Variants in IGSF21 observed in about 807,000 individuals in gnomAD.
The protein encoded by IGSF21 is immunoglobin superfamily member 21.
In IGSF21, 28 loss-of-function variants were observed where a neutral mutation model predicts 46.8. The observed-to-expected ratio is 0.60, with a 90% confidence interval of 0.44 to 0.82. The LOEUF (loss-of-function observed/expected upper bound fraction) is 0.82. Among genes scored for constraint, IGSF21 ranks in the 40% least tolerant of loss-of-function variants. The pLI is 0.00. For synonymous variants in IGSF21, 284 were observed against 273.6 expected (o/e 1.04, Z -0.38); for missense variants, 624 against 665.5 (o/e 0.94, Z 0.69).
chr1:18,262,267 G>T (rs1403691734), intron 2 of IGSF21, among the ~76,000 whole-genome samples: 1 of 152,182 alleles, frequency 6.6e-6, no homozygotes, highest in Non-Finnish European at 1.5e-5. Context: ...GGCTGCTTCT[G>T]GGGGCATGAA....
intron 3 of IGSF21, among the ~76,000 whole-genome samples, chr1:18,312,809 G>A (rs1007730964): frequency 5.3e-5 from 8 of 152,338 alleles, no homozygotes; most frequent in Admixed American, 3.3e-4. Flanking sequence ...CCAGGGATTT[G>A]AACGTGGGCA....
intron 2 of IGSF21, among the ~76,000 whole-genome samples, chr1:18,251,619 C>T (rs912174638): frequency 5.9e-5 from 9 of 152,180 alleles, no homozygotes; most frequent in Non-Finnish European, 8.8e-5. Context: ...TCCATCCACA[C>T]GGATGCAACT....
At chr1:18,150,711 G>T (rs1259720479) in intron 1 of IGSF21, among the ~76,000 whole-genome samples, 1 of 152,204 alleles carries the variant, frequency 6.6e-6, no homozygotes, top group Non-Finnish European at 1.5e-5. Context: ...GGAGCTGAGA[G>T]CCCTGAAGTC....
intron 8 of IGSF21, 56 bp from the exon 9 acceptor site, chr1:18,377,337 C>T: frequency 6.6e-7 from 1 of 1,504,748 alleles, no homozygotes; most frequent in Non-Finnish European, 9.3e-7. Context: ...GCCATTCCTT[C>T]CCTGAGCTCT....
chr1:18,255,665 C>T (rs972635883), intron 2 of IGSF21, among the ~76,000 whole-genome samples: 10 of 152,126 alleles, frequency 6.6e-5, no homozygotes, highest in African/African-American at 2.4e-4. Context: ...GCATCTTACA[C>T]CTGCTCACAC....
rs536236930 is a variant in IGSF21 at position 18,216,033 on chromosome 1, C to T, written c.71-11865C>T. Among the ~76,000 whole-genome samples, 5 of 152,240 alleles carry T rather than the reference C, an allele frequency of 3.3e-5. No homozygotes were observed. In the East Asian group the frequency reaches 5.8e-4, roughly 18 times the overall value. ...TAGTCTGATGTCTGAGACAGACACA[C>T]GAAGAACCACATGTTATATTACAAT... On this transcript the variant is annotated intron_variant, in intron 1 of 9. Transcript: ENST00000251296.
At chr1:18,191,454 C>G (rs2086955543) in intron 1 of IGSF21, among the ~76,000 whole-genome samples, 1 of 152,060 alleles carries the variant, frequency 6.6e-6, no homozygotes, top group Non-Finnish European at 1.5e-5. Context: ...GAGAAGGACT[C>G]CCGGAGCAGG....
At chr1:18,178,850 C>T (rs1215106754) in intron 1 of IGSF21, among the ~76,000 whole-genome samples, 2 of 152,254 alleles carry the variant, frequency 1.3e-5, no homozygotes, top group East Asian at 3.9e-4. Context: ...GGAGCGAGCG[C>T]AGGGATGCTT....
chr1:18,171,875 G>A (rs763633263), intron 1 of IGSF21, among the ~76,000 whole-genome samples: 6 of 152,214 alleles, frequency 3.9e-5, no homozygotes, highest in South Asian at 4.1e-4. Flanking sequence ...TGGTTGACCT[G>A]TTCCCTCTAA....
chr1:18,332,182 C>G lies in IGSF21; in HGVS notation c.306-2710C>G, dbSNP rs758736362. Among the ~76,000 whole-genome samples, 3 of 152,220 alleles carry G rather than the reference C, an allele frequency of 2.0e-5. No individual in the cohort carries two copies. The South Asian group carries it at 6.2e-4, about 31-fold the overall frequency. ...AGTTGCCTAAACATGACACCTGTGTCGCTATCCTATAAACACATCTTCTGC... is the reference window on the plus strand; with the variant it reads ...AGTTGCCTAAACATGACACCTGTGTGGCTATCCTATAAACACATCTTCTGC... On this transcript the variant is annotated intron_variant, in intron 3 of 9. Transcript: ENST00000251296.
At position 18,209,614 on chromosome 1, in the gene IGSF21, C is replaced by T. The variant is rs1456236289; in HGVS notation, c.71-18284C>T. Reference sequence around the variant, plus strand: ...GGAATACAGGCGCCCGCCACCACACCTGGCTAATTTTTTTTTTTTTTTTTT... The same window carrying T: ...GGAATACAGGCGCCCGCCACCACACTTGGCTAATTTTTTTTTTTTTTTTTT... On this transcript the variant is annotated intron_variant, in intron 1 of 9. Transcript: ENST00000251296. 4.2e-5 allele frequency among the ~76,000 whole-genome samples: 6 copies of T among 144,078 alleles called. No homozygotes were observed. In the East Asian group the frequency reaches 1.2e-3, roughly 29 times the overall value. The allele number at this position is 144,078 out of a possible 152,430, so 94.5% of individuals were successfully genotyped here.
At chr1:18,196,705 A>C (rs903308573) in intron 1 of IGSF21, among the ~76,000 whole-genome samples, 3 of 152,206 alleles carry the variant, frequency 2.0e-5, no homozygotes, top group African/African-American at 7.2e-5. Flanking sequence ...ATAGACGAAG[A>C]AACTGAGGCT....
At chr1:18,246,216 C>T (rs185058074) in intron 2 of IGSF21, among the ~76,000 whole-genome samples, 4 of 152,206 alleles carry the variant, frequency 2.6e-5, no homozygotes, top group African/African-American at 7.2e-5. Context: ...GAATGAGGCC[C>T]TCTTGCTTCC....
intron 1 of IGSF21, among the ~76,000 whole-genome samples, chr1:18,136,033 T>A (rs138198557): frequency 0.22 from 33,239 of 152,166 alleles, 4,450 homozygotes; most frequent in East Asian, 0.52. Context: ...CATTTTTTCA[T>A]GTGTTTTTTG....
chr1:18,279,020 G>C (rs2085132438), intron 2 of IGSF21: 1 of 416,584 alleles, frequency 2.4e-6, no homozygotes, highest in Non-Finnish European at 5.0e-6. Flanking sequence ...AGCCTCATCT[G>C]TCAAATGCAG....
At chr1:18,113,854 A>C (rs2124400268) in intron 1 of IGSF21, 1 of 152,174 alleles carries the variant, frequency 6.6e-6, no homozygotes, top group East Asian at 1.9e-4. Context: ...TTACAAGCAG[A>C]GCTCTTAGCT....
At chr1:18,149,900 T>C (rs2086506151) in intron 1 of IGSF21, among the ~76,000 whole-genome samples, 1 of 152,148 alleles carries the variant, frequency 6.6e-6, no homozygotes, top group Admixed American at 6.5e-5. Flanking sequence ...AAGCGCAAGT[T>C]TCACCATACG....
At chr1:18,260,392 C>G (rs1347632349) in intron 2 of IGSF21, among the ~76,000 whole-genome samples, 1 of 152,232 alleles carries the variant, frequency 6.6e-6, no homozygotes, top group Non-Finnish European at 1.5e-5. Flanking sequence ...TTGGCTTCAC[C>G]AGGAAATAAT....
At chr1:18,243,809 G>A (rs1448340231) in intron 2 of IGSF21, among the ~76,000 whole-genome samples, 1 of 152,170 alleles carries the variant, frequency 6.6e-6, no homozygotes, top group African/African-American at 2.4e-5. Context: ...TGAGCAGCAT[G>A]AACCCTGAGG....
Sources: allele counts gnomAD v4.1 joint callset (sites outside exome capture counted in the v4.1 genomes callset), GRCh38; gene constraint gnomAD v4.1.1; transcripts MANE v1.5; gene names NCBI Gene and HGNC (gene_info 2026-07-23, HGNC 2026-07-21).